Variants in THSD7A observed in about 807,000 individuals in gnomAD.
THSD7A encodes the protein thrombospondin type 1 domain containing 7A.
In THSD7A, 96 loss-of-function variants were observed where a neutral mutation model predicts 231.3. The ratio of observed to expected loss-of-function variants is 0.41; its 90% CI spans 0.35 to 0.49. THSD7A has a LOEUF of 0.49. Among genes scored for constraint, THSD7A ranks in the 20% least tolerant of loss-of-function variants. THSD7A has a pLI of 0.05. For missense variants in THSD7A, 2,290 were observed against 2,070.2 expected (o/e 1.11, Z -2.06); for synonymous variants, 940 against 743.3 (o/e 1.26, Z -4.30).
chr7:11,623,213 G>A (rs1368574504), intron 2 of THSD7A, among the ~76,000 whole-genome samples: 4 of 152,270 alleles, frequency 2.6e-5, no homozygotes, highest in East Asian at 1.9e-4. Context: ...AGAAACAGAT[G>A]AGGAAGTCTT....
At chr7:11,430,842 A>G (rs1784459095) in intron 13 of THSD7A, among the ~76,000 whole-genome samples, 1 of 152,170 alleles carries the variant, frequency 6.6e-6, no homozygotes, top group African/African-American at 2.4e-5. Flanking sequence ...AGTCCTTTCT[A>G]TGATTGAATA....
chr7:11,707,193 A>G (rs1330540556), intron 1 of THSD7A, among the ~76,000 whole-genome samples: 4 of 150,850 alleles, frequency 2.7e-5, no homozygotes, highest in Admixed American at 6.6e-5. Context: ...CTTTAGCCAT[A>G]ATACCAGTGA....
intron 1 of THSD7A, among the ~76,000 whole-genome samples, chr7:11,769,136 TATA>T (rs1783130945): frequency 1.9e-5 from 1 of 52,362 alleles, no homozygotes; most frequent in Admixed American, 2.4e-4. Context: ...TATATATATA[TATA>T]TATATATATA....
intron 1 of THSD7A, among the ~76,000 whole-genome samples, chr7:11,730,876 T>C (rs535810062): frequency 4.6e-5 from 7 of 151,662 alleles, no homozygotes; most frequent in Non-Finnish European, 8.9e-5. Flanking sequence ...AACAAGGTGA[T>C]GGCAGTTGAC....
chr7:11,728,386 A>G (rs918120286), intron 1 of THSD7A, among the ~76,000 whole-genome samples: 2 of 151,972 alleles, frequency 1.3e-5, no homozygotes, highest in Non-Finnish European at 2.9e-5. Context: ...AGGCAGGAGT[A>G]TATAATCTAG....
rs1781895933 is a variant in THSD7A, at chr7:11,637,096, A to G, written c.191-135T>C. 1 of 785,900 alleles carries G rather than the reference A, an allele frequency of 1.3e-6. No individual in the cohort carries two copies. The highest frequency in any genetic ancestry group is 1.7e-5 in the African/African-American group (1 of 57,302). The allele number at this position is 785,900 out of a possible 1,614,324, so 48.7% of individuals were successfully genotyped here. On this transcript the variant is annotated intron_variant, in intron 1 of 27. Transcript: ENST00000423059. This position sits in a 1 kb window ranked among gnomAD's most constrained non-coding sequence, Gnocchi z 4.2. ...GTTACAAAGTAGGTCTCTGGACACGACTGTTGGAAAGTAATGATCCTCGCT... is the reference window on the plus strand; with the variant it reads ...GTTACAAAGTAGGTCTCTGGACACGGCTGTTGGAAAGTAATGATCCTCGCT...
intron 6 of THSD7A, among the ~76,000 whole-genome samples, chr7:11,511,095 C>CA (rs1787789141): frequency 6.6e-6 from 1 of 152,160 alleles, no homozygotes; most frequent in African/African-American, 2.4e-5. Flanking sequence ...TCTCAGGATA[C>CA]AAAATCAATG....
At chr7:11,461,896 C>T (rs1241976698) in intron 10 of THSD7A, 115 bp downstream of exon 10, 4 of 1,329,176 alleles carry the variant, frequency 3.0e-6, no homozygotes, top group Non-Finnish European at 4.1e-6. Context: ...AACATCCCAA[C>T]TCCATTGAGC....
intron 1 of THSD7A, among the ~76,000 whole-genome samples, chr7:11,765,997 C>T (rs1783017901): frequency 6.6e-6 from 1 of 152,100 alleles, no homozygotes; most frequent in African/African-American, 2.4e-5. Context: ...CATATTCTCA[C>T]CTTTGAGTGT....
At chr7:11,753,117 T>G (rs773357146) in intron 1 of THSD7A, among the ~76,000 whole-genome samples, 1 of 152,138 alleles carries the variant, frequency 6.6e-6, no homozygotes, top group African/African-American at 2.4e-5. Context: ...TTATAGCATG[T>G]GTATAATTCA....
intron 4 of THSD7A, among the ~76,000 whole-genome samples, chr7:11,550,109 T>G (rs1032087278): frequency 2.0e-5 from 3 of 151,970 alleles, no homozygotes; most frequent in African/African-American, 7.3e-5. Flanking sequence ...GCCCAAAGGC[T>G]CCCAGACCTG....
intron 11 of THSD7A, among the ~76,000 whole-genome samples, chr7:11,454,745 T>C (rs77617478): frequency 3.2e-4 from 48 of 152,094 alleles, no homozygotes; most frequent in African/African-American, 9.6e-4. Context: ...ATGAAGGCAA[T>C]GTGAAATATG....
At chr7:11,414,922 TAA>T (rs2115391923) in intron 17 of THSD7A, among the ~76,000 whole-genome samples, 1 of 152,330 alleles carries the variant, frequency 6.6e-6, no homozygotes, top group East Asian at 1.9e-4. Flanking sequence ...TGATAGACAG[TAA>T]AAGCTTAGTT....
chr7:11,441,026 A>C (rs886626553), intron 13 of THSD7A, among the ~76,000 whole-genome samples: 4 of 152,014 alleles, frequency 2.6e-5, no homozygotes, highest in Non-Finnish European at 1.5e-5. Flanking sequence ...AGTCACCCCA[A>C]AGTATAGAAA....
At chr7:11,625,130 T>G (rs1401028359) in intron 2 of THSD7A, among the ~76,000 whole-genome samples, 1 of 152,110 alleles carries the variant, frequency 6.6e-6, no homozygotes, top group Non-Finnish European at 1.5e-5. Flanking sequence ...TCTCCATTCT[T>G]ACCCATCTGT....
At chr7:11,661,042 C>A (rs546747247) in intron 1 of THSD7A, among the ~76,000 whole-genome samples, 16 of 151,114 alleles carry the variant, frequency 1.1e-4, no homozygotes, top group Non-Finnish European at 1.8e-4. Flanking sequence ...AGAAGGTGAA[C>A]AAAACTTTTA....
intron 1 of THSD7A, among the ~76,000 whole-genome samples, chr7:11,642,231 G>T (rs1351586671): frequency 6.6e-6 from 1 of 152,100 alleles, no homozygotes; most frequent in Non-Finnish European, 1.5e-5. Context: ...ACTAAGAGTG[G>T]GAGGTAGGGG....
intron 2 of THSD7A, among the ~76,000 whole-genome samples, chr7:11,597,099 T>C (rs1780390744): frequency 6.6e-6 from 1 of 152,238 alleles, no homozygotes; most frequent in South Asian, 2.1e-4. Flanking sequence ...GATCTAGTTC[T>C]AGAAGTAGCA....
intron 16 of THSD7A, among the ~76,000 whole-genome samples, chr7:11,423,431 C>G (rs1010086383): frequency 6.8e-6 from 1 of 147,016 alleles, no homozygotes; most frequent in Admixed American, 6.9e-5. Flanking sequence ...TGCAGTGGCG[C>G]GATCTCGGCT....
Sources: gnomAD v4.1 joint callset for allele counts (sites outside exome capture counted in the v4.1 genomes callset) on GRCh38, gnomAD v4.1.1 for gene constraint, Gnocchi (gnomAD v3.1) non-coding constraint, MANE v1.5 for transcripts, NCBI Gene and HGNC (gene_info 2026-07-23, HGNC 2026-07-21) for gene names.